SELP: variants seen among roughly 807,000 people sequenced by gnomAD.
SELP encodes selectin P, also known as P-selectin.
SELP carries 92 observed loss-of-function variants against 104.1 expected under a neutral mutation model. The observed-to-expected ratio is 0.88, with a 90% CI of 0.75 to 1.05. The LOEUF (loss-of-function observed/expected upper bound fraction) is 1.05. SELP is among the 50% of genes least tolerant of loss of function. SELP has a pLI of 0.00. For missense variants in SELP, 1,022 were observed against 1,017.3 expected, an observed-to-expected ratio of 1.00 and a Z score of -0.06; for synonymous variants, 397 against 364.5, an observed-to-expected ratio of 1.09 and a Z score of -1.01.
At chr1:169,609,719 G>A (rs1662407242) in intron 7 of SELP, 30 bp from the exon 8 acceptor site, 1 of 1,577,154 alleles carries the variant, frequency 6.3e-7, no homozygotes. Context: ...TCTAAAGCCA[G>A]GTAATGGAAG....
Position 169,609,551 on chromosome 1 carries a change from C to T in SELP, c.1286G>A (p.Arg429Gln), listed in dbSNP as rs201496591. 3.1e-4 allele frequency: 506 copies of T among 1,613,992 alleles called. 3 individuals carry two copies. The highest frequency in any genetic ancestry group is 2.0e-3 in the South Asian group (183 of 91,070). Residue 429 changes from arginine (R) to glutamine (Q), a missense_variant, in exon 8 of 17, where the codon CGG (arginine) becomes CAG (glutamine). Arg to Gln is a conservative substitution (Grantham distance 43). Coordinates refer to ENST00000263686, the MANE Select transcript of SELP (RefSeq NM_003005.4). ...GFMLRGADIV[R>Q]CDNLGQWTAP... ...TGTCCACTGTCCCAAGTTATCACAC[C>T]GAACTATATCGGCTCCTCTCAGCAT...
At chr1:169,609,262 C>T (rs1377028020) in intron 8 of SELP, among the ~76,000 whole-genome samples, 1 of 152,138 alleles carries the variant, frequency 6.6e-6, no homozygotes, top group African/African-American at 2.4e-5. Context: ...TTCTTCATTC[C>T]AATGCACCCT....
chr1:169,612,348 T>A lies in SELP; in HGVS notation c.830A>T (p.His277Leu). ...CTGATGCTGGAATGCTTTTGCAGAA[T>A]GAAGGCAGGTCATGTTTCCTCGTTC... ...IPERGNMTCLHSAKAFQHQSS... is the reference protein window; with the variant it reads ...IPERGNMTCLLSAKAFQHQSS... The change falls in exon 6 of 17, where the codon CAT becomes CTT. Residue 277 changes from histidine to leucine, a missense_variant. His to Leu is a moderately conservative substitution (Grantham distance 99, BLOSUM62 -3). Coordinates refer to ENST00000263686, the MANE Select transcript of SELP (RefSeq NM_003005.4). 1 of 1,614,168 alleles carries A rather than the reference T, an allele frequency of 6.2e-7. No homozygotes were observed. The highest frequency in any genetic ancestry group is 8.5e-7 in the Non-Finnish European group (1 of 1,180,010).
chr1:169,598,425 C>A (rs1181328970), intron 10 of SELP, among the ~76,000 whole-genome samples: 1 of 152,188 alleles, frequency 6.6e-6, no homozygotes, highest in Non-Finnish European at 1.5e-5. Flanking sequence ...CTTTTACATA[C>A]TGGCCCATGT....
rs1557956058 is a variant in SELP at position 169,605,483 on chromosome 1, GTGT to G, written c.1519+1463_1519+1465del. Among the ~76,000 whole-genome samples, 46 of 145,684 alleles carry G rather than the reference GTGT, an allele frequency of 3.2e-4. 2 individuals carry two copies. The highest frequency in any genetic ancestry group is 3.4e-3 in the Middle Eastern group (1 of 292). ...GACCTAGCTTAACAATGGGGTGTGT[GTGT>G]GGGGGGTGTGTGTGTGTGTATGTGA... On this transcript the variant is annotated intron_variant, in intron 9 of 16. Transcript: ENST00000263686.
chr1:169,629,121 GA>G (rs1165672448), intron 1 of SELP, among the ~76,000 whole-genome samples: 1 of 152,202 alleles, frequency 6.6e-6, no homozygotes, highest in Non-Finnish European at 1.5e-5. Flanking sequence ...AAAGTCTGAG[GA>G]AAATTGGAAG....
chr1:169,628,238 A>G (rs990144802), intron 1 of SELP, among the ~76,000 whole-genome samples: 13 of 152,218 alleles, frequency 8.5e-5, no homozygotes, highest in Admixed American at 8.5e-4. Flanking sequence ...CAATTTAACT[A>G]TAAGTTCCCA....
At chr1:169,607,176 C>G in intron 8 of SELP, 42 bp from the exon 9 acceptor site, 1 of 1,454,956 alleles carries the variant, frequency 6.9e-7, no homozygotes, top group Non-Finnish European at 9.2e-7. Flanking sequence ...CAGTAATACA[C>G]ATGTACTCAT....
intron 15 of SELP, among the ~76,000 whole-genome samples, 165 bp from the exon 16 acceptor site, chr1:169,590,367 T>C (rs1238411627): frequency 1.3e-5 from 2 of 152,226 alleles, no homozygotes; most frequent in South Asian, 4.1e-4. Context: ...ATATCCCACT[T>C]ACCAGCTCTG....
At chr1:169,595,460 G>A (rs1661558632) in intron 12 of SELP, among the ~76,000 whole-genome samples, 1 of 152,062 alleles carries the variant, frequency 6.6e-6, no homozygotes, top group Admixed American at 6.6e-5. Context: ...GTTTTGTGGG[G>A]GATACAAAAA....
At chr1:169,591,392 A>G in intron 15 of SELP, 34 bp downstream of exon 15, 1 of 1,502,366 alleles carries the variant, frequency 6.7e-7, no homozygotes, top group South Asian at 1.2e-5. Flanking sequence ...TAAGGTAGCA[A>G]AATTTACTCA....
At chr1:169,606,311 C>T (rs1040863227) in intron 9 of SELP, among the ~76,000 whole-genome samples, 9 of 152,116 alleles carry the variant, frequency 5.9e-5, no homozygotes, top group Non-Finnish European at 1.2e-4. Context: ...AGTGAGACTC[C>T]GTCTCAAAAA....
At chr1:169,596,385 T>C (rs1259270978) in intron 11 of SELP, among the ~76,000 whole-genome samples, 8 of 152,208 alleles carry the variant, frequency 5.3e-5, no homozygotes, top group South Asian at 4.1e-4. Context: ...GTCATTGTTG[T>C]TGCTATTTTA....
intron 1 of SELP, among the ~76,000 whole-genome samples, chr1:169,621,599 A>G (rs919638840): frequency 4.6e-5 from 7 of 152,130 alleles, no homozygotes; most frequent in African/African-American, 1.7e-4. Flanking sequence ...CAGCCTGACC[A>G]GATACCAGGG....
At chr1:169,622,407 A>G (rs1262362434) in intron 1 of SELP, among the ~76,000 whole-genome samples, 1 of 152,244 alleles carries the variant, frequency 6.6e-6, no homozygotes, top group African/African-American at 2.4e-5. Context: ...AATTCCATTT[A>G]CTTATTCATA....
At chr1:169,591,291 G>C in intron 15 of SELP, 135 bp downstream of exon 15, 1 of 534,758 alleles carries the variant, frequency 1.9e-6, no homozygotes, top group Non-Finnish European at 3.4e-6. Flanking sequence ...TTTTACTTCA[G>C]AGTAGAAAAG....
chr1:169,615,390 A>G (rs1181728115), intron 3 of SELP, among the ~76,000 whole-genome samples: 1 of 152,158 alleles, frequency 6.6e-6, no homozygotes, highest in African/African-American at 2.4e-5. Context: ...TGATGTCTCT[A>G]CCACTGTTGT....
At chr1:169,607,325 G>C (rs908414330) in intron 8 of SELP, among the ~76,000 whole-genome samples, 191 bp from the exon 9 acceptor site, 1 of 152,106 alleles carries the variant, frequency 6.6e-6, no homozygotes, top group Non-Finnish European at 1.5e-5. Context: ...CTAAACCTTT[G>C]TTGAGCATCT....
At chr1:169,602,537 A>T (rs1171383611) in intron 10 of SELP, among the ~76,000 whole-genome samples, 5 of 152,152 alleles carry the variant, frequency 3.3e-5, no homozygotes, top group Admixed American at 2.6e-4. Flanking sequence ...ATAAAATGAG[A>T]TGATACTGCC....
Sources: allele counts gnomAD v4.1 joint callset (sites outside exome capture counted in the v4.1 genomes callset), GRCh38; gene constraint gnomAD v4.1.1; transcripts MANE v1.5; gene names NCBI Gene and HGNC (gene_info 2026-07-23, HGNC 2026-07-21).